The following GALNT14 variants were observed in gnomAD, a reference collection of about 807,000 sequenced individuals.
GALNT14 encodes UDP-GalNAc:polypeptide N-acetylgalactosaminyltransferase 14.
In GALNT14, 60 loss-of-function variants were observed where a neutral mutation model predicts 77.5. The ratio of observed to expected loss-of-function variants is 0.77; its 90% confidence interval spans 0.63 to 0.96. GALNT14 has a LOEUF of 0.96. Among genes scored for constraint, GALNT14 ranks in the 40% least tolerant of loss-of-function variants. GALNT14 has a pLI of 0.00. For missense variants in GALNT14, 710 were observed against 731.0 expected, an observed-to-expected ratio of 0.97 and a Z score of 0.33; for synonymous variants, 280 against 281.7, an observed-to-expected ratio of 0.99 and a Z score of 0.06.
chr2:31,055,552 CCT>C (rs1362506164), intron 1 of GALNT14, among the ~76,000 whole-genome samples: 2 of 152,120 alleles, frequency 1.3e-5, no homozygotes, highest in African/African-American at 4.8e-5. Context: ...CTGGTGTGCC[CCT>C]GCTACCGAGT....
the GALNT14 span, among the ~76,000 whole-genome samples, chr2:30,898,757 G>A: frequency 6.6e-6 from 1 of 152,158 alleles, no homozygotes; most frequent in Admixed American, 6.5e-5. Context: ...CTCAGTTGCT[G>A]GGGAGGGGTT....
intron 2 of GALNT14, among the ~76,000 whole-genome samples, chr2:30,967,641 C>T (rs555896744): frequency 2.0e-5 from 3 of 152,258 alleles, no homozygotes; most frequent in East Asian, 1.9e-4. Context: ...GTCCTTTTGC[C>T]CCACCTCCTG....
At chr2:30,968,244 G>A (rs1034578882) in intron 2 of GALNT14, among the ~76,000 whole-genome samples, 3 of 152,214 alleles carry the variant, frequency 2.0e-5, no homozygotes, top group East Asian at 1.9e-4. Flanking sequence ...CAGGAAGTGC[G>A]TTCCTAGGTC....
the GALNT14 span, among the ~76,000 whole-genome samples, chr2:30,894,638 T>C: frequency 6.6e-6 from 1 of 152,206 alleles, no homozygotes. Flanking sequence ...CATTGTAGCT[T>C]CTGGCTCTGA....
At chr2:31,072,180 A>G (rs1342639531) in intron 1 of GALNT14, among the ~76,000 whole-genome samples, 1 of 151,874 alleles carries the variant, frequency 6.6e-6, no homozygotes, top group East Asian at 1.9e-4. Flanking sequence ...GTGGAGGGCG[A>G]GGGCAGAAGG....
intron 1 of GALNT14, among the ~76,000 whole-genome samples, chr2:31,085,611 A>T (rs1202208320): frequency 6.6e-6 from 1 of 152,222 alleles, no homozygotes; most frequent in Non-Finnish European, 1.5e-5. Flanking sequence ...TCTATCACCC[A>T]GTCCCCTTCT....
intron 1 of GALNT14, among the ~76,000 whole-genome samples, chr2:31,038,517 C>T (rs1672904118): frequency 6.6e-6 from 1 of 152,038 alleles, no homozygotes; most frequent in Non-Finnish European, 1.5e-5. Flanking sequence ...GCCAGACAGG[C>T]CATATAGTAA....
chr2:30,955,695 T>A lies in GALNT14; in HGVS notation c.577A>T (p.Thr193Ser). Reference sequence around the variant, plus strand: ...TGGCTGTCGAGGAAAGTCAGAGTGGTGCCCTGGGCGATGTCAGCGCCCCGA... The same window carrying A: ...TGGCTGTCGAGGAAAGTCAGAGTGGAGCCCTGGGCGATGTCAGCGCCCCGA... ...RIRGADIAQG[T>S]TLTFLDSHCE... is the part of the protein sequence containing the mutation. The change falls in exon 6 of 15, where the codon ACC (threonine) becomes TCC (serine). Residue 193 changes from threonine to serine, a missense_variant. Transcript: ENST00000349752. The A allele has an allele frequency of 6.2e-7, 1 of 1,614,158 alleles. No individual in the cohort carries two copies. The highest frequency in any genetic ancestry group is 8.5e-7 in the Non-Finnish European group (1 of 1,180,018).
chr2:30,939,713 GCTGAGGGCAGTTGAT>G (rs1252118170), intron 9 of GALNT14, among the ~76,000 whole-genome samples: 1 of 152,174 alleles, frequency 6.6e-6, no homozygotes, highest in Non-Finnish European at 1.5e-5. Flanking sequence ...TGTGAGTGAT[GCTGAGGGCAGTTGAT>G]CTGCAGGACT....
intron 1 of GALNT14, among the ~76,000 whole-genome samples, chr2:31,117,310 A>G (rs1360490740): frequency 6.6e-6 from 1 of 152,222 alleles, no homozygotes; most frequent in African/African-American, 2.4e-5. Context: ...TAAATAGTCT[A>G]GTAAGAACTG....
chr2:30,899,862 C>T, the GALNT14 span, among the ~76,000 whole-genome samples: 9 of 152,154 alleles, frequency 5.9e-5, no homozygotes, highest in South Asian at 2.1e-4. Context: ...CTGGATGATG[C>T]GGGAAAAGAG....
chr2:30,907,222 A>T (rs1251015689), downstream of GALNT14, among the ~76,000 whole-genome samples: 1 of 152,214 alleles, frequency 6.6e-6, no homozygotes, highest in African/African-American at 2.4e-5. Flanking sequence ...AGCAGAACTG[A>T]AGGAAATAGA....
At position 30,917,076 on chromosome 2, in the gene GALNT14, C is replaced by CAAAAAAAAAAAAAAAAAA. The variant is rs529653696; in HGVS notation, c.1381-4752_1381-4735dup. Among the ~76,000 whole-genome samples, 15 of 19,890 alleles carry CAAAAAAAAAAAAAAAAAA rather than the reference C, an allele frequency of 7.5e-4. 1 individual carries two copies. Among genetic ancestry groups the CAAAAAAAAAAAAAAAAAA allele is most frequent in the Non-Finnish European group, 1.0e-3 (11 of 10,808 alleles). The allele number at this position is 19,890 out of a possible 152,430, so 13.0% of individuals were successfully genotyped here. On this transcript the variant is annotated intron_variant, in intron 13 of 14. Coordinates refer to ENST00000349752, the MANE Select transcript of GALNT14 (RefSeq NM_024572.4). ...TGGGCAAAAGAGTAAGACTCCGTCT[C>CAAAAAAAAAAAAAAAAAA]AAAAAAAAAAAAAAAAAAAAAAAAA...
intron 1 of GALNT14, among the ~76,000 whole-genome samples, chr2:31,032,927 G>A (rs1262201264): frequency 1.3e-5 from 2 of 152,138 alleles, no homozygotes; most frequent in East Asian, 3.9e-4. Flanking sequence ...GGGGCCCACT[G>A]GAACAGTCAG....
At chr2:31,061,054 G>A (rs1307804696) in intron 1 of GALNT14, among the ~76,000 whole-genome samples, 1 of 151,994 alleles carries the variant, frequency 6.6e-6, no homozygotes, top group Non-Finnish European at 1.5e-5. Flanking sequence ...TGCCATTCAA[G>A]TGATCCCTGG....
intron 13 of GALNT14, among the ~76,000 whole-genome samples, chr2:30,922,642 T>C (rs188523934): frequency 6.4e-4 from 98 of 152,336 alleles, no homozygotes; most frequent in African/African-American, 2.0e-3. Context: ...CCAAGTCCGG[T>C]TGGAAATCTT....
rs1461801193 is a variant in GALNT14 at position 30,946,008 on chromosome 2, AT to A, written c.655-139del. 5 of 660,054 alleles carry A rather than the reference AT, an allele frequency of 7.6e-6. No individual in the cohort carries two copies. In the Admixed American group the frequency reaches 1.3e-4, roughly 17 times the overall value. The allele number at this position is 660,054 out of a possible 1,614,324, so 40.9% of individuals were successfully genotyped here. A position where few individuals can be genotyped will look rare whatever the true frequency, so the allele number is the denominator to read the frequency against. On this transcript the variant is annotated intron_variant, in intron 6 of 14. Transcript: ENST00000349752. ...AGAGCCCTTTCATCTCTGGATCTTA[AT>A]TTTTCCATCTATAAAAGGGGGTACT...
chr2:30,982,257 G>A (rs1669034565), intron 2 of GALNT14, among the ~76,000 whole-genome samples: 1 of 152,088 alleles, frequency 6.6e-6, no homozygotes, highest in Non-Finnish European at 1.5e-5. Context: ...GGTGCAACAG[G>A]GACTCTGCTG....
At chr2:31,132,614 G>C (rs998571180) in intron 1 of GALNT14, 8 of 417,082 alleles carry the variant, frequency 1.9e-5, no homozygotes, top group South Asian at 1.4e-4. Flanking sequence ...AAAATTGACA[G>C]TGAAAGAGAA....
Sources: gnomAD v4.1 joint callset for allele counts (sites outside exome capture counted in the v4.1 genomes callset) on GRCh38, gnomAD v4.1.1 for gene constraint, MANE v1.5 for transcripts, NCBI Gene and HGNC (gene_info 2026-07-23, HGNC 2026-07-21) for gene names.